The following COL5A1 variants were observed in gnomAD, a reference collection of about 807,000 sequenced individuals.
COL5A1 encodes collagen type V alpha 1 chain.
A neutral mutation model predicts 263.7 loss-of-function variants in COL5A1; 16 were observed. The observed-to-expected ratio is 0.06, with a 90% CI of 0.04 to 0.09. COL5A1 has a LOEUF of 0.09. Among genes scored for constraint, COL5A1 ranks in the 10% least tolerant of loss-of-function variants. The pLI, the probability that COL5A1 is intolerant of heterozygous loss-of-function variation, is 1.00. For synonymous variants in COL5A1, 1,012 were observed against 1,004.5 expected (o/e 1.01, Z -0.14); for missense variants, 2,036 against 2,540.5 (o/e 0.80, Z 4.27).
Position 134,647,068 on chromosome 9 carries a change from A to C in COL5A1, c.109+4772A>C, listed in dbSNP as rs189097790. ...GTGTGGGGACGTTACCATCGCCCCC[A>C]TCTTCAGTGGTGGTTTTGCAGGAGG... On this transcript the variant is annotated intron_variant, in intron 1 of 65. Coordinates refer to ENST00000371817, the MANE Select transcript of COL5A1 (RefSeq NM_000093.5). This position sits in a 1 kb window ranked among gnomAD's most constrained non-coding sequence, Gnocchi z 5.0. 1.6e-3 allele frequency among the ~76,000 whole-genome samples: 249 copies of C among 152,206 alleles called. No individual in the cohort carries two copies. The highest frequency in any genetic ancestry group is 5.5e-3 in the African/African-American group (229 of 41,514).
chr9:134,798,941 C>T (rs1018927326), intron 37 of COL5A1, among the ~76,000 whole-genome samples: 2 of 152,220 alleles, frequency 1.3e-5, no homozygotes, highest in African/African-American at 2.4e-5. Flanking sequence ...TTCAAGAGGG[C>T]GGCTGTGGGC....
rs1307451037 is a variant in COL5A1 at position 134,682,471 on chromosome 9, A to G, written c.110-8441A>G. Among the ~76,000 whole-genome samples, 1 of 152,210 alleles carries G rather than the reference A, an allele frequency of 6.6e-6. No homozygotes were observed. Among genetic ancestry groups the G allele is most frequent in the African/African-American group, 2.4e-5 (1 of 41,458 alleles). ...ACCCCAGGACCGACGGAGCCAGCCC[A>G]GTGCCAGGGACAGAGTTGGAAATAA... On this transcript the variant is annotated intron_variant, in intron 1 of 65. Transcript: ENST00000371817. The surrounding 1 kb of genome is among the most constrained non-coding windows in gnomAD (Gnocchi z 5.1).
chr9:134,703,777 A>G (rs1017608597), intron 4 of COL5A1, among the ~76,000 whole-genome samples: 6 of 151,754 alleles, frequency 4.0e-5, no homozygotes, highest in Non-Finnish European at 8.8e-5. Flanking sequence ...AGCTGGGACT[A>G]CAGGCGCCCG....
rs1400839327 is a variant in COL5A1 at position 134,700,150 on chromosome 9, C to T, written c.491+28C>T. ...AAGTGGGCACTTCTGGGCAACTGTC[C>T]CCCTGCTGGAGGGGGGATCAGGCCA... is the stretch of plus-strand genomic sequence containing the variant. On this transcript the variant is annotated intron_variant, in intron 3 of 65. Transcript: ENST00000371817. The surrounding 1 kb of genome is among the most constrained non-coding windows in gnomAD (Gnocchi z 4.0). 1.3e-6 allele frequency: 2 copies of T among 1,592,492 alleles called. No individual in the cohort carries two copies. Among genetic ancestry groups the T allele is most frequent in the Non-Finnish European group, 1.7e-6 (2 of 1,174,822 alleles).
chr9:134,757,635 T>C lies in COL5A1; in HGVS notation c.1882-608T>C, dbSNP rs1440767006. 6.6e-6 allele frequency among the ~76,000 whole-genome samples: 1 copy of C among 152,154 alleles called. No homozygotes were observed. The highest frequency in any genetic ancestry group is 1.5e-5 in the Non-Finnish European group (1 of 68,020). On this transcript the variant is annotated intron_variant, in intron 17 of 65. Coordinates refer to ENST00000371817, the MANE Select transcript of COL5A1 (RefSeq NM_000093.5). The surrounding 1 kb of genome is among the most constrained non-coding windows in gnomAD (Gnocchi z 6.2). ...TTGTTGACTCTGTCTCAGAAGACCA[T>C]GGTCTTCTTTCAACAACATGGCTGA...
intron 11 of COL5A1, among the ~76,000 whole-genome samples, chr9:134,746,527 C>G (rs1477958739): frequency 6.6e-6 from 1 of 152,230 alleles, no homozygotes; most frequent in Admixed American, 6.5e-5. Context: ...GAGGGAGCCA[C>G]TTTGTGAGGC....
chr9:134,788,626 T>C (rs941977384), intron 31 of COL5A1, among the ~76,000 whole-genome samples: 12 of 143,520 alleles, frequency 8.4e-5, no homozygotes, highest in Non-Finnish European at 1.8e-4. Context: ...GAGAGATAGA[T>C]GGATAGACAG....
intron 9 of COL5A1, among the ~76,000 whole-genome samples, chr9:134,737,962 G>A (rs531108255): frequency 6.6e-6 from 1 of 152,312 alleles, no homozygotes; most frequent in African/African-American, 2.4e-5. Flanking sequence ...CTGGAGGGAG[G>A]CGGGGTCTGG....
intron 9 of COL5A1, among the ~76,000 whole-genome samples, chr9:134,736,325 C>G (rs113737445): frequency 6.6e-6 from 1 of 152,246 alleles, no homozygotes; most frequent in Non-Finnish European, 1.5e-5. Flanking sequence ...CCACATCTGG[C>G]GAGGGCCTTC....
intron 64 of COL5A1, among the ~76,000 whole-genome samples, chr9:134,831,090 G>A (rs1344674700): frequency 1.3e-5 from 2 of 152,222 alleles, no homozygotes; most frequent in Non-Finnish European, 2.9e-5. Flanking sequence ...AAGGCAGCCC[G>A]TGGGTTCTGC....
In COL5A1 at chr9:134,811,216, A is replaced by G. The variant is rs528954851; in HGVS notation, c.3529-123A>G. The G allele has an allele frequency of 7.6e-4, 662 of 876,118 alleles. 13 individuals carry two copies. Among genetic ancestry groups the G allele is most frequent in the South Asian group, 7.3e-3 (550 of 75,606 alleles). The allele number at this position is 876,118 out of a possible 1,614,324, so 54.3% of individuals were successfully genotyped here. A position where few individuals can be genotyped will look rare whatever the true frequency, so the allele number is the denominator to read the frequency against. ...TGCATCGTGGTGCAAGGAACGACAC[A>G]TTTGGAGACTGAACTGACGACGTTG... On this transcript the variant is annotated intron_variant, in intron 44 of 65. Transcript: ENST00000371817.
At chr9:134,798,782 G>A (rs931077740) in intron 37 of COL5A1, among the ~76,000 whole-genome samples, 4 of 152,228 alleles carry the variant, frequency 2.6e-5, no homozygotes, top group African/African-American at 9.6e-5. Context: ...ATCCTGGGCC[G>A]ACTGAAGCCT....
chr9:134,750,544 C>T lies in COL5A1; in HGVS notation c.1497C>T (p.Gly499=), dbSNP rs1473955537. The T allele has an allele frequency of 2.5e-6, 4 of 1,612,884 alleles. No individual in the cohort carries two copies. The highest frequency in any genetic ancestry group is 3.3e-5 in the Admixed American group (2 of 60,010). ...CTCTCTTGGCCCCTTGTCTTCAGGG[C>T]CCCCCTGGACGCCCAGGCCTTCCTG... ...TGQVGDPGER[G]PPGRPGLPGA... Residue 499 remains glycine, a splice_region_variant and synonymous_variant, in exon 12 of 66, where the codon GGC becomes GGT. Coordinates refer to ENST00000371817, the MANE Select transcript of COL5A1 (RefSeq NM_000093.5).
chr9:134,830,575 A>G (rs959139491), intron 64 of COL5A1, among the ~76,000 whole-genome samples: 5 of 152,098 alleles, frequency 3.3e-5, no homozygotes, highest in Non-Finnish European at 7.4e-5. Context: ...CACTTAAGCC[A>G]TTCAGAGCTC....
At chr9:134,736,130 C>T (rs922242156) in intron 9 of COL5A1, among the ~76,000 whole-genome samples, 1 of 152,270 alleles carries the variant, frequency 6.6e-6, no homozygotes, top group African/African-American at 2.4e-5. Context: ...GTACCCAGCA[C>T]CTCTGGCAGC....
chr9:134,740,840 G>C (rs138407659), intron 11 of COL5A1, among the ~76,000 whole-genome samples: 1 of 152,342 alleles, frequency 6.6e-6, no homozygotes, highest in East Asian at 1.9e-4. Context: ...CGTTGGTTTA[G>C]GAGCTGGTCC....
At chr9:134,768,857 A>G (rs1249106291) in intron 25 of COL5A1, among the ~76,000 whole-genome samples, 1 of 152,112 alleles carries the variant, frequency 6.6e-6, no homozygotes, top group African/African-American at 2.4e-5. Flanking sequence ...ACACACTGAG[A>G]AGGGAGGTGG....
At chr9:134,725,085 CG>C (rs917596743) in intron 4 of COL5A1, among the ~76,000 whole-genome samples, 21 of 152,184 alleles carry the variant, frequency 1.4e-4, no homozygotes, top group African/African-American at 5.1e-4. Flanking sequence ...CCCTTGCCTG[CG>C]GCACCGTCTC....
intron 1 of COL5A1, among the ~76,000 whole-genome samples, chr9:134,684,073 T>C (rs953210882): frequency 1.3e-5 from 2 of 152,176 alleles, no homozygotes; most frequent in Non-Finnish European, 2.9e-5. Flanking sequence ...GTTTCTGTTG[T>C]TGGTGGAGAA....
Sources: gnomAD v4.1 joint callset for allele counts (sites outside exome capture counted in the v4.1 genomes callset) on GRCh38, gnomAD v4.1.1 for gene constraint, Gnocchi (gnomAD v3.1) non-coding constraint, MANE v1.5 for transcripts, NCBI Gene and HGNC (gene_info 2026-07-23, HGNC 2026-07-21) for gene names.